COL15A1: variants seen among roughly 807,000 people sequenced by gnomAD.
The protein encoded by COL15A1 is collagen alpha-1(XV) chain.
Under a neutral mutation model 165.9 loss-of-function variants are expected in COL15A1, and 111 were observed. That is an observed-to-expected ratio of 0.67 (90% CI 0.57 to 0.78). COL15A1 has a LOEUF of 0.78. COL15A1 is among the 30% of genes least tolerant of loss of function. The pLI, the probability that COL15A1 is intolerant of heterozygous loss-of-function variation, is 0.00. For missense variants in COL15A1, 1,745 were observed against 1,789.7 expected, an observed-to-expected ratio of 0.98 and a Z score of 0.45; for synonymous variants, 659 against 674.8, an observed-to-expected ratio of 0.98 and a Z score of 0.36.
At chr9:99,029,719 T>A (rs1408021233) in intron 16 of COL15A1, among the ~76,000 whole-genome samples, 2 of 151,314 alleles carry the variant, frequency 1.3e-5, no homozygotes, top group Non-Finnish European at 1.5e-5. Flanking sequence ...AGGTCAGGAG[T>A]TTGAGACCAG....
chr9:98,980,148 A>G (rs1838212009), intron 2 of COL15A1, among the ~76,000 whole-genome samples: 1 of 141,040 alleles, frequency 7.1e-6, no homozygotes, highest in African/African-American at 2.8e-5. Flanking sequence ...CAACAGAGCA[A>G]GACTCTTGTC....
rs749055969 is a variant in COL15A1, at chr9:99,062,032, C to T, written c.3464C>T (p.Thr1155Ile). 8 of 1,613,922 alleles carry T rather than the reference C, an allele frequency of 5.0e-6. No homozygotes were observed. In the African/African-American group the frequency reaches 9.3e-5, roughly 19 times the overall value. ...LQKAHLVIEG[T>I]FIYLRDSTEF... ...AAAGCGCATTTGGTTATAGAAGGAA[C>T]ATTCATCTACCTGAGGGACAGCACT... is the stretch of plus-strand genomic sequence containing the variant. Residue 1155 changes from threonine to isoleucine, a missense_variant, in exon 37 of 42, where the codon ACA becomes ATA. Transcript: ENST00000375001.
chr9:99,056,232 C>T lies in COL15A1; in HGVS notation c.3193-28C>T, dbSNP rs374232180. The stretch of plus-strand genomic sequence containing the variant: ...CTTCGAGTGATGAATGATGCTTTCT[C>T]TCTGTTATTGTGTGCTTGCCTTGAC... On this transcript the variant is annotated intron_variant, in intron 34 of 41. Transcript: ENST00000375001. The T allele has an allele frequency of 1.1e-5, 17 of 1,611,626 alleles. No individual in the cohort carries two copies. The African/African-American group carries it at 1.3e-4, about 13-fold the overall frequency.
intron 2 of COL15A1, among the ~76,000 whole-genome samples, chr9:98,976,052 TG>T (rs1386982545): frequency 6.6e-6 from 1 of 152,180 alleles, no homozygotes; most frequent in Non-Finnish European, 1.5e-5. Context: ...TTGAAGGCTT[TG>T]GAGCTTGTAA....
At chr9:99,032,166 T>C (rs574510129) in intron 16 of COL15A1, among the ~76,000 whole-genome samples, 1 of 152,034 alleles carries the variant, frequency 6.6e-6, no homozygotes, top group African/African-American at 2.4e-5. Context: ...TGTTACTAAA[T>C]GTGGATTATT....
rs747237055 is a variant in COL15A1 at position 99,067,040 on chromosome 9, A to G, written c.3810A>G (p.Arg1270=). 17 of 1,613,902 alleles carry G rather than the reference A, an allele frequency of 1.1e-5. No individual in the cohort carries two copies. Among genetic ancestry groups the G allele is most frequent in the South Asian group, 5.5e-5 (5 of 91,018 alleles). ...CCACCATTGTGAGGAAAGCAGAGAG[A>G]TACAGCCTTCCCATAGTGAACCTCA... is the stretch of plus-strand genomic sequence containing the variant. ...DLSTIVRKAE[R]YSLPIVNLKG... is the part of the protein sequence containing the mutation. Residue 1270 remains arginine, a synonymous_variant, in exon 40 of 42, where the codon AGA becomes AGG. Transcript: ENST00000375001.
intron 11 of COL15A1, among the ~76,000 whole-genome samples, chr9:99,018,973 AAGAG>A (rs371946808): frequency 6.7e-6 from 1 of 150,256 alleles, no homozygotes; most frequent in Non-Finnish European, 1.5e-5. Flanking sequence ...TCTGAGAAGG[AAGAG>A]AGAGAGAGAG....
intron 2 of COL15A1, among the ~76,000 whole-genome samples, chr9:98,949,058 T>C (rs1837635276): frequency 6.6e-6 from 1 of 152,218 alleles, no homozygotes; most frequent in African/African-American, 2.4e-5. Flanking sequence ...ATCCCTTTCT[T>C]GCTTTTTAAA....
chr9:98,954,800 T>G (rs1472875256), intron 2 of COL15A1, among the ~76,000 whole-genome samples: 1 of 152,214 alleles, frequency 6.6e-6, no homozygotes, highest in South Asian at 2.1e-4. Context: ...CTGCCTTGTC[T>G]ATTACTGCTG....
intron 2 of COL15A1, among the ~76,000 whole-genome samples, chr9:98,948,600 A>G (rs1297229673): frequency 1.3e-5 from 2 of 150,062 alleles, no homozygotes; most frequent in Non-Finnish European, 3.0e-5. Context: ...CTGTCTCAAA[A>G]AAAAAAAAAA....
At chr9:99,042,783 A>G (rs1238064542) in intron 24 of COL15A1, among the ~76,000 whole-genome samples, 1 of 152,232 alleles carries the variant, frequency 6.6e-6, no homozygotes, top group Admixed American at 6.5e-5. Context: ...CAGGGTACCA[A>G]ACCTATTGTT....
At chr9:98,965,901 C>A (rs1161898181) in intron 2 of COL15A1, among the ~76,000 whole-genome samples, 2 of 152,058 alleles carry the variant, frequency 1.3e-5, no homozygotes. Flanking sequence ...CCCCCAGAGC[C>A]CAGCCCAGGT....
At chr9:98,972,084 G>T (rs1038749339) in intron 2 of COL15A1, among the ~76,000 whole-genome samples, 2 of 152,106 alleles carry the variant, frequency 1.3e-5, no homozygotes, top group Non-Finnish European at 2.9e-5. Flanking sequence ...TGCGAAGTAG[G>T]GTTCTCACTG....
At chr9:99,066,814 T>G in intron 39 of COL15A1, 68 bp from the exon 40 acceptor site, 3,443 of 1,310,406 alleles carry the variant, frequency 2.6e-3, no homozygotes, top group Non-Finnish European at 3.3e-3. Context: ...TGCAGGAATG[T>G]GAGATGGTTC....
At chr9:99,063,248 C>A in intron 39 of COL15A1, 139 bp downstream of exon 39, 1 of 1,094,722 alleles carries the variant, frequency 9.1e-7, no homozygotes, top group Non-Finnish European at 1.2e-6. Flanking sequence ...CAGAGAATTA[C>A]AATACAGTGT....
chr9:99,024,026 C>A (rs1839070668), intron 14 of COL15A1, among the ~76,000 whole-genome samples: 1 of 152,210 alleles, frequency 6.6e-6, no homozygotes, highest in South Asian at 2.1e-4. Context: ...TCTACCTTCT[C>A]TAGCTGCAGC....
In COL15A1 at chr9:98,987,287, T is replaced by C. The variant is rs778159202; in HGVS notation, c.649-7T>C. The C allele has an allele frequency of 1.4e-5, 23 of 1,612,674 alleles. No homozygotes were observed. Among genetic ancestry groups the C allele is most frequent in the Non-Finnish European group, 2.0e-5 (23 of 1,179,468 alleles). ...ACCGTGGCTTCTGATCCGTCTCTTT[T>C]CCCCAGGGCTCCCTCCAGCAGCTCA... On this transcript the variant is annotated splice_polypyrimidine_tract_variant and splice_region_variant and intron_variant, in intron 3 of 41. Coordinates refer to ENST00000375001, the MANE Select transcript of COL15A1 (RefSeq NM_001855.5).
intron 30 of COL15A1, among the ~76,000 whole-genome samples, chr9:99,050,433 A>G (rs1180265558): frequency 6.6e-6 from 1 of 152,234 alleles, no homozygotes; most frequent in African/African-American, 2.4e-5. Context: ...AGCTGGGATC[A>G]TAACTCAGGT....
At chr9:99,020,499 A>G (rs1839008706) in intron 12 of COL15A1, 57 bp downstream of exon 12, 2 of 1,259,608 alleles carry the variant, frequency 1.6e-6, no homozygotes, top group Non-Finnish European at 2.3e-6. Flanking sequence ...TGTCCTGAAC[A>G]TGTTATTTAG....
Sources: gnomAD v4.1 joint callset for allele counts (sites outside exome capture counted in the v4.1 genomes callset) on GRCh38, gnomAD v4.1.1 for gene constraint, MANE v1.5 for transcripts, NCBI Gene and HGNC (gene_info 2026-07-23, HGNC 2026-07-21) for gene names.